BCAS3: variants seen among roughly 807,000 people sequenced by gnomAD.
BCAS3 encodes the protein BCAS3 microtubule associated cell migration factor.
A neutral mutation model predicts 116.1 loss-of-function variants in BCAS3; 53 were observed. The observed-to-expected ratio is 0.46, with a 90% CI of 0.37 to 0.57. BCAS3 has a LOEUF of 0.57. BCAS3 is among the 20% of genes least tolerant of loss of function. BCAS3 has a pLI of 0.00. For missense variants in BCAS3, 917 were observed against 1,165.4 expected (o/e 0.79, Z 3.10); for synonymous variants, 391 against 408.2 (o/e 0.96, Z 0.51).
Position 61,217,899 on chromosome 17 carries a change from C to T in BCAS3, c.2425+133335C>T, listed in dbSNP as rs2081894882. 6.6e-6 allele frequency among the ~76,000 whole-genome samples: 1 copy of T among 152,186 alleles called. No individual in the cohort carries two copies. The highest frequency in any genetic ancestry group is 1.5e-5 in the Non-Finnish European group (1 of 68,038). Reference sequence around the variant, plus strand: ...ACAGTCTTGGTGGCTGACTTTGTTGCTCCTGTGAGAGGCCTTCATGCTTTT... The same window carrying T: ...ACAGTCTTGGTGGCTGACTTTGTTGTTCCTGTGAGAGGCCTTCATGCTTTT... On this transcript the variant is annotated intron_variant, in intron 22 of 23. Coordinates refer to ENST00000407086, the MANE Select transcript of BCAS3 (RefSeq NM_017679.5). The surrounding 1 kb of genome is among the most constrained non-coding windows in gnomAD (Gnocchi z 5.2).
chr17:60,776,987 G>T (rs938991269), intron 6 of BCAS3, among the ~76,000 whole-genome samples: 4 of 145,432 alleles, frequency 2.8e-5, no homozygotes, highest in African/African-American at 1.1e-4. Context: ...TGCACTCCAC[G>T]CTGGGCAACA....
chr17:61,127,145 A>G (rs1272557708), intron 22 of BCAS3, among the ~76,000 whole-genome samples: 1 of 152,166 alleles, frequency 6.6e-6, no homozygotes, highest in Non-Finnish European at 1.5e-5. Context: ...TTCATGGGTA[A>G]TATTTGGTCT....
At chr17:60,970,857 A>G (rs1254796256) in intron 14 of BCAS3, among the ~76,000 whole-genome samples, 3 of 152,248 alleles carry the variant, frequency 2.0e-5, no homozygotes, top group African/African-American at 7.2e-5. Context: ...GACATAAATT[A>G]TTAGAGTAAC....
chr17:60,922,347 G>A (rs1479121330), intron 12 of BCAS3, among the ~76,000 whole-genome samples: 1 of 152,056 alleles, frequency 6.6e-6, no homozygotes. Flanking sequence ...GGCTGGTCTC[G>A]AACTCCTGAC....
intron 9 of BCAS3, among the ~76,000 whole-genome samples, chr17:60,881,404 T>C (rs2056132497): frequency 6.6e-6 from 1 of 152,188 alleles, no homozygotes; most frequent in South Asian, 2.1e-4. Context: ...GTCATGAAAA[T>C]TTACAGTATT....
Position 61,087,346 on chromosome 17 carries a change from C to T in BCAS3, c.2425+2782C>T, listed in dbSNP as rs2073171174. 8 of 367,786 alleles carry T rather than the reference C, an allele frequency of 2.2e-5. No homozygotes were observed. Among genetic ancestry groups the T allele is most frequent in the Non-Finnish European group, 3.0e-5 (8 of 265,340 alleles). 22.8% of individuals were successfully genotyped at this position (367,786 alleles called of 1,614,324 possible). The stretch of plus-strand genomic sequence containing the variant: ...TTAATTATTCCTATGGCACATGTTA[C>T]ACCTAACCCTCTATTTTAGTGACAG... On this transcript the variant is annotated intron_variant, in intron 22 of 23. Coordinates refer to ENST00000407086, the MANE Select transcript of BCAS3 (RefSeq NM_017679.5). The surrounding 1 kb of genome is among the most constrained non-coding windows in gnomAD (Gnocchi z 4.6).
chr17:61,109,315 G>GTGTGTA (rs1383803332), intron 22 of BCAS3, among the ~76,000 whole-genome samples: 3 of 151,200 alleles, frequency 2.0e-5, no homozygotes, highest in Non-Finnish European at 4.4e-5. Context: ...GTGTGTGTGT[G>GTGTGTA]TATACACGCC....
At chr17:61,386,756 A>G (rs181748323) in intron 23 of BCAS3, among the ~76,000 whole-genome samples, 83 of 150,332 alleles carry the variant, frequency 5.5e-4, no homozygotes, top group African/African-American at 1.8e-3. Flanking sequence ...CCAAGCCCAA[A>G]GCAGGATTTC....
At chr17:61,062,428 A>G (rs947876356) in intron 19 of BCAS3, among the ~76,000 whole-genome samples, 1 of 152,208 alleles carries the variant, frequency 6.6e-6, no homozygotes, top group African/African-American at 2.4e-5. Flanking sequence ...ACAAGCTATA[A>G]GCAAGGTACT....
intron 15 of BCAS3, among the ~76,000 whole-genome samples, chr17:60,999,632 G>T (rs538001566): frequency 6.6e-6 from 1 of 151,976 alleles, no homozygotes; most frequent in Admixed American, 6.5e-5. Context: ...TGGCTATTTG[G>T]GCTCTTTTTT....
chr17:60,871,851 T>C (rs1432236264), intron 8 of BCAS3, among the ~76,000 whole-genome samples: 1 of 151,994 alleles, frequency 6.6e-6, no homozygotes, highest in Non-Finnish European at 1.5e-5. Flanking sequence ...GCCTTGTCTG[T>C]TTTTTTGTTT....
intron 6 of BCAS3, among the ~76,000 whole-genome samples, chr17:60,799,003 C>T (rs1463480002): frequency 2.0e-5 from 3 of 151,938 alleles, no homozygotes; most frequent in Non-Finnish European, 4.4e-5. Context: ...GGTCTTTTGC[C>T]CATAGTGTTT....
At chr17:60,784,506 T>C (rs1280466807) in intron 6 of BCAS3, among the ~76,000 whole-genome samples, 1 of 151,472 alleles carries the variant, frequency 6.6e-6, no homozygotes, top group African/African-American at 2.4e-5. Context: ...GGTTTTACCA[T>C]GTTAGCCAGG....
intron 23 of BCAS3, among the ~76,000 whole-genome samples, chr17:61,385,859 C>T (rs2059820572): frequency 6.6e-6 from 1 of 152,144 alleles, no homozygotes; most frequent in African/African-American, 2.4e-5. Flanking sequence ...AAATGAAAAG[C>T]TGTAAACACA....
intron 19 of BCAS3, among the ~76,000 whole-genome samples, chr17:61,055,642 A>G (rs2069300830): frequency 6.6e-6 from 1 of 152,228 alleles, no homozygotes; most frequent in Admixed American, 6.5e-5. Context: ...GGTAGTCTGG[A>G]GAACTGGTAT....
At chr17:61,121,766 T>A (rs1343006017) in intron 22 of BCAS3, among the ~76,000 whole-genome samples, 1 of 152,224 alleles carries the variant, frequency 6.6e-6, no homozygotes, top group African/African-American at 2.4e-5. Context: ...AGTCTTGCCG[T>A]GTCACCCAGG....
At position 61,180,364 on chromosome 17, in the gene BCAS3, C is replaced by T. The variant is rs2079407535; in HGVS notation, c.2425+95800C>T. Among the ~76,000 whole-genome samples, 1 of 152,168 alleles carries T rather than the reference C, an allele frequency of 6.6e-6. No individual in the cohort carries two copies. The highest frequency in any genetic ancestry group is 2.4e-5 in the African/African-American group (1 of 41,442). ...TTATGGCCACAGATAAGAGATTAAA[C>T]TATTCAGCCAACAAGCTGTAATAAA... On this transcript the variant is annotated intron_variant, in intron 22 of 23. Transcript: ENST00000407086. The surrounding 1 kb of genome is among the most constrained non-coding windows in gnomAD (Gnocchi z 6.0).
chr17:60,717,980 A>G (rs1488114770), intron 5 of BCAS3, among the ~76,000 whole-genome samples: 4 of 152,186 alleles, frequency 2.6e-5, no homozygotes, highest in Admixed American at 2.6e-4. Context: ...CAGACATTAG[A>G]TTCTCATAAG....
Position 61,208,256 on chromosome 17 carries a change from T to G in BCAS3, c.2425+123692T>G, listed in dbSNP as rs2081260550. 6.6e-6 allele frequency among the ~76,000 whole-genome samples: 1 copy of G among 152,224 alleles called. No homozygotes were observed. The highest frequency in any genetic ancestry group is 1.5e-5 in the Non-Finnish European group (1 of 68,036). ...TATTGTCTACTCATATATTTGACTT[T>G]TCACTGTGTTTCATTTTGTCTAAAG... On this transcript the variant is annotated intron_variant, in intron 22 of 23. Coordinates refer to ENST00000407086, the MANE Select transcript of BCAS3 (RefSeq NM_017679.5). The surrounding 1 kb of genome is among the most constrained non-coding windows in gnomAD (Gnocchi z 4.5).
Sources: allele counts gnomAD v4.1 joint callset (sites outside exome capture counted in the v4.1 genomes callset), GRCh38; gene constraint gnomAD v4.1.1; non-coding constraint Gnocchi (gnomAD v3.1); transcripts MANE v1.5; gene names NCBI Gene and HGNC (gene_info 2026-07-23, HGNC 2026-07-21).